The following KCNIP4 variants were observed in gnomAD, a reference collection of about 807,000 sequenced individuals.
KCNIP4 encodes Kv channel-interacting protein 4.
A neutral mutation model predicts 34.0 loss-of-function variants in KCNIP4; 12 were observed. The observed-to-expected ratio is 0.35, with a 90% CI of 0.23 to 0.57. The LOEUF is 0.57. Among genes scored for constraint, KCNIP4 ranks in the 20% least tolerant of loss-of-function variants. The probability of loss-of-function intolerance (pLI) is 0.83; values close to 1 mark genes in which losing one functional copy is unlikely to be tolerated. For synonymous variants in KCNIP4, 124 were observed against 102.2 expected, an observed-to-expected ratio of 1.21 and a Z score of -1.29; for missense variants, 238 against 311.7, an observed-to-expected ratio of 0.76 and a Z score of 1.78.
chr4:21,563,980 C>A (rs1303154775), intron 1 of KCNIP4, among the ~76,000 whole-genome samples: 1 of 151,996 alleles, frequency 6.6e-6, no homozygotes, highest in Admixed American at 6.6e-5. Context: ...TAATCATATA[C>A]CTTTTTACTA....
At chr4:21,221,430 A>G (rs1757973758) in intron 1 of KCNIP4, among the ~76,000 whole-genome samples, 1 of 152,140 alleles carries the variant, frequency 6.6e-6, no homozygotes, top group Admixed American at 6.6e-5. Flanking sequence ...ACTTACAATC[A>G]TGGTGGAAGG....
At chr4:21,202,433 G>A (rs1229460398) in intron 1 of KCNIP4, among the ~76,000 whole-genome samples, 1 of 152,170 alleles carries the variant, frequency 6.6e-6, no homozygotes, top group Non-Finnish European at 1.5e-5. Flanking sequence ...TACAAGAGGA[G>A]AGAGGCATGG....
chr4:21,148,245 T>C (rs193294476), intron 1 of KCNIP4, among the ~76,000 whole-genome samples: 1 of 152,278 alleles, frequency 6.6e-6, no homozygotes, highest in Admixed American at 6.5e-5. Flanking sequence ...TTTATGACAT[T>C]GTATATTATA....
At chr4:21,084,029 T>C (rs1746214936) in intron 1 of KCNIP4, among the ~76,000 whole-genome samples, 1 of 151,884 alleles carries the variant, frequency 6.6e-6, no homozygotes, top group Non-Finnish European at 1.5e-5. Context: ...ATTGCTGAGA[T>C]ATAGCCTACA....
chr4:21,592,474 G>T (rs983981551), intron 1 of KCNIP4, among the ~76,000 whole-genome samples: 18 of 151,972 alleles, frequency 1.2e-4, no homozygotes, highest in African/African-American at 4.3e-4. Context: ...TTGATTGGTT[G>T]GAGTTTTAAA....
Position 21,512,185 on chromosome 4 carries a change from G to T in KCNIP4, c.61+436386C>A, listed in dbSNP as rs1326365458. On this transcript the variant is annotated intron_variant, in intron 1 of 8. Transcript: ENST00000382152. ...GGGAGGGAGGGAGGAAGGAAGGAACGAACGAAGGAACGAACGAAGGAAGGA... is the reference window on the plus strand; with the variant it reads ...GGGAGGGAGGGAGGAAGGAAGGAACTAACGAAGGAACGAACGAAGGAAGGA... 4.4e-5 allele frequency among the ~76,000 whole-genome samples: 6 copies of T among 135,618 alleles called. No homozygotes were observed. The East Asian group carries it at 1.3e-3, about 29-fold the overall frequency. 89.0% of individuals were successfully genotyped at this position (135,618 alleles called of 152,430 possible). A position where few individuals can be genotyped will look rare whatever the true frequency, so the allele number is the denominator to read the frequency against.
At chr4:21,323,285 C>T (rs1714694250) in intron 1 of KCNIP4, among the ~76,000 whole-genome samples, 3 of 151,730 alleles carry the variant, frequency 2.0e-5, no homozygotes, top group Non-Finnish European at 4.4e-5. Context: ...CAATTATGCT[C>T]TTAGTCATTT....
chr4:21,395,135 CA>C (rs1404408055), intron 1 of KCNIP4, among the ~76,000 whole-genome samples: 1 of 152,116 alleles, frequency 6.6e-6, no homozygotes, highest in African/African-American at 2.4e-5. Flanking sequence ...TCGACAAATG[CA>C]GAAAGAAATC....
chr4:21,927,725 TG>T (rs1243157956), intron 1 of KCNIP4, among the ~76,000 whole-genome samples: 3 of 152,164 alleles, frequency 2.0e-5, no homozygotes, highest in African/African-American at 7.2e-5. Flanking sequence ...CTAATGAATG[TG>T]GGAGATGTAT....
At chr4:21,654,660 A>G (rs2108977100) in intron 1 of KCNIP4, among the ~76,000 whole-genome samples, 1 of 152,274 alleles carries the variant, frequency 6.6e-6, no homozygotes, top group East Asian at 1.9e-4. Flanking sequence ...ATGGTGGCTC[A>G]TGCCTGTAAT....
In KCNIP4 at chr4:21,373,081, T is replaced by TATATTA. The variant is rs1394332099; in HGVS notation, c.62-490373_62-490372insTAATAT. Among the ~76,000 whole-genome samples the TATATTA allele has an allele frequency of 5.5e-5, 8 of 146,058 alleles. 1 individual carries two copies. The highest frequency in any genetic ancestry group is 4.0e-4 in the East Asian group (2 of 5,044). On this transcript the variant is annotated intron_variant, in intron 1 of 8. Coordinates refer to ENST00000382152, the MANE Select transcript of KCNIP4 (RefSeq NM_025221.6). ...GGATAAAATGGCTCAGTGAACAGAT[T>TATATTA]AAAAAAAATTTTCTAATGGTAAATA...
At chr4:21,942,945 G>A (rs1035375564) in intron 1 of KCNIP4, among the ~76,000 whole-genome samples, 6 of 151,946 alleles carry the variant, frequency 3.9e-5, no homozygotes, top group African/African-American at 1.2e-4. Context: ...TTCTAGTAGA[G>A]AACGGGTTTC....
intron 1 of KCNIP4, among the ~76,000 whole-genome samples, chr4:21,429,393 AT>A (rs1162757471): frequency 6.6e-6 from 1 of 152,176 alleles, no homozygotes; most frequent in Non-Finnish European, 1.5e-5. Flanking sequence ...CTACTGAAAA[AT>A]ATCCTGTTTC....
intron 1 of KCNIP4, among the ~76,000 whole-genome samples, chr4:21,450,525 A>AT (rs926511112): frequency 4.6e-5 from 7 of 152,136 alleles, no homozygotes; most frequent in Non-Finnish European, 1.0e-4. Context: ...GGTGTTCAGC[A>AT]TTTTTGCTGA....
At chr4:21,174,916 GA>G (rs960272136) in intron 1 of KCNIP4, among the ~76,000 whole-genome samples, 9 of 139,804 alleles carry the variant, frequency 6.4e-5, no homozygotes, top group African/African-American at 2.1e-4. Context: ...AAAAAAAAAA[GA>G]AAAAAAAAGC....
intron 1 of KCNIP4, among the ~76,000 whole-genome samples, chr4:21,355,983 C>T (rs578139217): frequency 1.3e-5 from 2 of 152,266 alleles, no homozygotes; most frequent in South Asian, 4.2e-4. Flanking sequence ...CGCTGGGATG[C>T]ATGACTGGTT....
At chr4:21,689,879 A>T (rs1751125914) in intron 1 of KCNIP4, among the ~76,000 whole-genome samples, 1 of 151,932 alleles carries the variant, frequency 6.6e-6, no homozygotes, top group African/African-American at 2.4e-5. Context: ...ACATTATTAC[A>T]TGTTGATCTA....
chr4:21,184,442 G>C (rs898144829), intron 1 of KCNIP4, among the ~76,000 whole-genome samples: 2 of 152,124 alleles, frequency 1.3e-5, no homozygotes, highest in African/African-American at 4.8e-5. Flanking sequence ...AGATTGCCTA[G>C]AGGAGGAGAA....
intron 1 of KCNIP4, among the ~76,000 whole-genome samples, chr4:21,291,853 C>A (rs867753788): frequency 4.2e-4 from 11 of 26,140 alleles, no homozygotes; most frequent in East Asian, 1.5e-3. Flanking sequence ...GACTCCGCCT[C>A]AAAAAAAAAA....
Sources: allele counts gnomAD v4.1 joint callset (sites outside exome capture counted in the v4.1 genomes callset), GRCh38; gene constraint gnomAD v4.1.1; transcripts MANE v1.5; gene names NCBI Gene and HGNC (gene_info 2026-07-23, HGNC 2026-07-21).